The following TXNL1 variants were observed in gnomAD, a reference collection of about 807,000 sequenced individuals.
TXNL1 encodes thioredoxin-like protein 1.
TXNL1 carries 14 observed loss-of-function variants against 35.5 expected under a neutral mutation model. The ratio of observed to expected loss-of-function variants is 0.39; its 90% CI spans 0.26 to 0.62. TXNL1 has a LOEUF of 0.62. Among genes scored for constraint, TXNL1 ranks in the 20% least tolerant of loss-of-function variants. TXNL1 has a pLI of 0.47. For synonymous variants in TXNL1, 110 were observed against 115.5 expected, an observed-to-expected ratio of 0.95 and a Z score of 0.31; for missense variants, 263 against 349.7, an observed-to-expected ratio of 0.75 and a Z score of 1.98.
chr18:56,609,931 AG>A (rs1304828427), intron 7 of TXNL1: 1 of 152,262 alleles, frequency 6.6e-6, no homozygotes, highest in African/African-American at 2.4e-5. Flanking sequence ...CCTATTGTCC[AG>A]GTTTGCAATT....
chr18:56,622,279 A>G (rs1170786503), intron 3 of TXNL1, among the ~76,000 whole-genome samples: 1 of 152,158 alleles, frequency 6.6e-6, no homozygotes, highest in Non-Finnish European at 1.5e-5. Flanking sequence ...AAAAGTTTCT[A>G]GACTAAAGAA....
intron 2 of TXNL1, chr18:56,626,102 G>A: frequency 2.2e-6 from 2 of 927,258 alleles, no homozygotes; most frequent in Non-Finnish European, 2.8e-6. Flanking sequence ...ACACAGAACT[G>A]CTAGGTGACC....
intron 3 of TXNL1, 57 bp from the exon 4 acceptor site, chr18:56,618,183 T>TA (rs2024122436): frequency 6.5e-7 from 1 of 1,530,316 alleles, no homozygotes; most frequent in African/African-American, 1.4e-5. Context: ...TAAAAATGTT[T>TA]AAAAAATTTA....
chr18:56,625,650 G>A (rs1431344779), intron 2 of TXNL1, among the ~76,000 whole-genome samples: 1 of 152,102 alleles, frequency 6.6e-6, no homozygotes, highest in Non-Finnish European at 1.5e-5. Context: ...GTGTAATGTA[G>A]GGTTTTCAAC....
chr18:56,620,099 GC>G (rs2097051296), intron 3 of TXNL1, among the ~76,000 whole-genome samples: 1 of 152,134 alleles, frequency 6.6e-6, no homozygotes, highest in African/African-American at 2.4e-5. Context: ...CTCCTGAGTA[GC>G]TGGGATTACA....
intron 3 of TXNL1, among the ~76,000 whole-genome samples, chr18:56,622,679 G>T (rs2024208708): frequency 6.6e-6 from 1 of 152,036 alleles, no homozygotes; most frequent in Admixed American, 6.6e-5. Flanking sequence ...TACCACAGCG[G>T]ATGTGTAAAG....
intron 1 of TXNL1, among the ~76,000 whole-genome samples, chr18:56,637,390 A>G (rs2024472531): frequency 6.6e-6 from 1 of 152,226 alleles, no homozygotes; most frequent in Non-Finnish European, 1.5e-5. Flanking sequence ...GGGTCAAGGA[A>G]AATAAAGCGG....
chr18:56,598,774 A>G lies in TXNL1; in HGVS notation c.*4253T>C, dbSNP rs1252805289. 1.3e-5 allele frequency: 2 copies of G among 152,216 alleles called. No homozygotes were observed. The highest frequency in any genetic ancestry group is 2.9e-5 in the Non-Finnish European group (2 of 68,038). 9.4% of individuals were successfully genotyped at this position (152,216 alleles called of 1,614,324 possible). ...GATACAAAGTAAGGCGCATCTTCAGAACAAGTCTAAGAGATAGATGTTCCT... is the reference window on the plus strand; with the variant it reads ...GATACAAAGTAAGGCGCATCTTCAGGACAAGTCTAAGAGATAGATGTTCCT... On this transcript the variant is annotated 3_prime_UTR_variant, in exon 8 of 8. Transcript: ENST00000217515.
chr18:56,624,229 C>A (rs199826655), intron 3 of TXNL1, 59 bp downstream of exon 3: 2 of 1,479,654 alleles, frequency 1.4e-6, no homozygotes, highest in Admixed American at 2.1e-5. Flanking sequence ...TTCATTTTAG[C>A]CCAATAATGA....
At chr18:56,603,414 G>A (rs190590000) in intron 7 of TXNL1, among the ~76,000 whole-genome samples, 7 of 151,664 alleles carry the variant, frequency 4.6e-5, no homozygotes, top group Admixed American at 3.3e-4. Flanking sequence ...ATCAAATGTC[G>A]ATCACAAAAG....
chr18:56,600,283 T>C lies in TXNL1; in HGVS notation c.*2744A>G, dbSNP rs1048132524. The C allele has an allele frequency of 1.3e-5, 2 of 152,270 alleles. No homozygotes were observed. Among genetic ancestry groups the C allele is most frequent in the Non-Finnish European group, 2.9e-5 (2 of 68,096 alleles). 9.4% of individuals were successfully genotyped at this position (152,270 alleles called of 1,614,324 possible). A position where few individuals can be genotyped will look rare whatever the true frequency, so the allele number is the denominator to read the frequency against. ...GATGGCAGACAGGTTTCAACTCTAA[T>C]TGTTAAGTGGCTGCCTCCAACAGAA... On this transcript the variant is annotated 3_prime_UTR_variant, in exon 8 of 8. Coordinates refer to ENST00000217515, the MANE Select transcript of TXNL1 (RefSeq NM_004786.3).
At chr18:56,624,894 A>T (rs1330595423) in intron 2 of TXNL1, among the ~76,000 whole-genome samples, 1 of 152,216 alleles carries the variant, frequency 6.6e-6, no homozygotes, top group South Asian at 2.1e-4. Flanking sequence ...TGTTAAAAAG[A>T]GCATGTAATG....
Position 56,615,923 on chromosome 18 carries a change from A to C in TXNL1, c.562+322T>G, listed in dbSNP as rs767649975. Among the ~76,000 whole-genome samples the C allele has an allele frequency of 5.3e-5, 8 of 152,082 alleles. No individual in the cohort carries two copies. In the East Asian group the frequency reaches 7.7e-4, roughly 15 times the overall value. On this transcript the variant is annotated intron_variant, in intron 5 of 7. Transcript: ENST00000217515. ...GGTGGGTGGATCACTTGGGGTCAGG[A>C]GTTCAAGAACAGCCTGGCCAACAGA...
chr18:56,597,393 A>G lies in TXNL1; in HGVS notation c.*5634T>C, dbSNP rs200417448. On this transcript the variant is annotated 3_prime_UTR_variant, in exon 8 of 8. Transcript: ENST00000217515. ...TAATTATCTGCTGATGCTTCAACTGAAAGTTTATTAATATGATCAATGATT... is the reference window on the plus strand; with the variant it reads ...TAATTATCTGCTGATGCTTCAACTGGAAGTTTATTAATATGATCAATGATT... The G allele has an allele frequency of 6.6e-6, 1 of 152,200 alleles. No individual in the cohort carries two copies. Among genetic ancestry groups the G allele is most frequent in the African/African-American group, 2.4e-5 (1 of 41,460 alleles). The allele number at this position is 152,200 out of a possible 1,614,324, so 9.4% of individuals were successfully genotyped here.
intron 6 of TXNL1, 102 bp from the exon 7 acceptor site, chr18:56,611,199 C>T (rs2023985012): frequency 1.2e-6 from 1 of 829,668 alleles, no homozygotes; most frequent in Non-Finnish European, 1.8e-6. Flanking sequence ...ATTCTCCATT[C>T]TTTGTAAAAA....
In TXNL1 at chr18:56,602,880, GAA is replaced by G; in HGVS notation, c.*145_*146del. ...AATTGCATGTGTCAAGATTACAATG[GAA>G]ACACTAGTGATACCATCTGAACAAA... On this transcript the variant is annotated 3_prime_UTR_variant, in exon 8 of 8. Transcript: ENST00000217515. 2 of 865,788 alleles carry G rather than the reference GAA, an allele frequency of 2.3e-6. No individual in the cohort carries two copies. Among genetic ancestry groups the G allele is most frequent in the Non-Finnish European group, 3.7e-6 (2 of 546,680 alleles). The allele number at this position is 865,788 out of a possible 1,614,324, so 53.6% of individuals were successfully genotyped here.
chr18:56,607,321 A>ATT (rs772856471), intron 7 of TXNL1, among the ~76,000 whole-genome samples: 3 of 141,920 alleles, frequency 2.1e-5, no homozygotes, highest in South Asian at 2.3e-4. Flanking sequence ...TGCATGGGTA[A>ATT]TTTTTTTTTT....
intron 3 of TXNL1, among the ~76,000 whole-genome samples, chr18:56,619,982 T>C (rs1598918104): frequency 6.6e-6 from 1 of 152,130 alleles, no homozygotes; most frequent in Non-Finnish European, 1.5e-5. Context: ...ATTATTATTA[T>C]TTTTTTGAGA....
Position 56,624,317 on chromosome 18 carries a change from T to C in TXNL1, c.340A>G (p.Asn114Asp), listed in dbSNP as rs778508706. 1 of 1,613,838 alleles carries C rather than the reference T, an allele frequency of 6.2e-7. No homozygotes were observed. Among genetic ancestry groups the C allele is most frequent in the Non-Finnish European group, 8.5e-7 (1 of 1,179,830 alleles). ...KQHLENDPGS[N>D]EDTDIPKGYM... ...CCTTTTGGAATATCTGTGTCCTCAT[T>C]GCTTCCAGGGTCATTTTCTAAGTGC... The change falls in exon 3 of 8, where the codon AAT becomes GAT. Residue 114 changes from asparagine (N) to aspartate (D), a missense_variant. Coordinates refer to ENST00000217515, the MANE Select transcript of TXNL1 (RefSeq NM_004786.3).
Sources: gnomAD v4.1 joint callset for allele counts (sites outside exome capture counted in the v4.1 genomes callset) on GRCh38, gnomAD v4.1.1 for gene constraint, MANE v1.5 for transcripts, NCBI Gene and HGNC (gene_info 2026-07-23, HGNC 2026-07-21) for gene names.